CALCOCO1: variants seen among roughly 807,000 people sequenced by gnomAD.
CALCOCO1 encodes calcium-binding and coiled-coil domain-containing protein 1.
Under a neutral mutation model 86.3 loss-of-function variants are expected in CALCOCO1, and 44 were observed. The ratio of observed to expected loss-of-function variants is 0.51; its 90% CI spans 0.40 to 0.66. The LOEUF (loss-of-function observed/expected upper bound fraction) is 0.66, where lower values mean the gene tolerates loss of function less well. Ranked by LOEUF, CALCOCO1 falls within the 30% of genes least tolerant of loss-of-function variation. The pLI, the probability that CALCOCO1 is intolerant of heterozygous loss-of-function variation, is 0.00. For missense variants in CALCOCO1, 708 were observed against 851.1 expected (o/e 0.83, Z 2.09); for synonymous variants, 297 against 327.6 (o/e 0.91, Z 1.01).
rs1403875279 is a variant in CALCOCO1, at chr12:53,710,266, A to G, written c.*1678T>C. ...GGGAACGGGATGGGGTTGCTAGGAG[A>G]CGGAGACGTGAGGGAAGAAGGAACG... On this transcript the variant is annotated 3_prime_UTR_variant, in exon 15 of 15. Transcript: ENST00000550804. The G allele has an allele frequency of 6.6e-6, 1 of 152,132 alleles. No individual in the cohort carries two copies. The highest frequency in any genetic ancestry group is 1.5e-5 in the Non-Finnish European group (1 of 68,034). The allele number at this position is 152,132 out of a possible 1,614,324, so 9.4% of individuals were successfully genotyped here.
chr12:53,712,887 G>A (rs1945608724), intron 14 of CALCOCO1: 1 of 1,466,618 alleles, frequency 6.8e-7, no homozygotes, highest in Non-Finnish European at 9.1e-7. Flanking sequence ...GGACCTCTGA[G>A]TGCATTGATA....
rs1945890725 is a variant in CALCOCO1 at position 53,722,133 on chromosome 12, C to T, written c.501G>A (p.Lys167=). ...QQERNDLMQL[K]LQLEGQVTEL... is the part of the protein sequence containing the mutation. Reference sequence around the variant, plus strand: ...CTGTCACCTGTCCCTCCAGCTGTAGCTTCAGCTGCATCAGGTCATTCCGTT... The same window carrying T: ...CTGTCACCTGTCCCTCCAGCTGTAGTTTCAGCTGCATCAGGTCATTCCGTT... Residue 167 remains lysine (K), a synonymous_variant, in exon 5 of 15, where the codon AAG becomes AAA. Transcript: ENST00000550804. 6.2e-7 allele frequency: 1 copy of T among 1,613,752 alleles called. No homozygotes were observed. Among genetic ancestry groups the T allele is most frequent in the African/African-American group, 1.3e-5 (1 of 74,926 alleles).
intron 9 of CALCOCO1, 105 bp from the exon 10 acceptor site, chr12:53,715,430 C>T: frequency 6.9e-7 from 1 of 1,454,144 alleles, no homozygotes; most frequent in African/African-American, 1.4e-5. Context: ...TTATTTAAAG[C>T]ATCATTTTTA....
chr12:53,718,847 T>C (rs1417457838), intron 7 of CALCOCO1, among the ~76,000 whole-genome samples: 1 of 141,062 alleles, frequency 7.1e-6, no homozygotes, highest in Non-Finnish European at 1.6e-5. Context: ...TCCCTTTTTT[T>C]TTTTTTTTTT....
rs1416132725 is a variant in CALCOCO1 at position 53,722,070 on chromosome 12, C to T, written c.564G>A (p.Leu188=). 1.2e-6 allele frequency: 2 copies of T among 1,613,870 alleles called. No homozygotes were observed. The highest frequency in any genetic ancestry group is 2.7e-5 in the African/African-American group (2 of 75,064). The change falls in exon 5 of 15, where the codon CTG becomes CTA. Residue 188 remains leucine, a synonymous_variant. Coordinates refer to ENST00000550804, the MANE Select transcript of CALCOCO1 (RefSeq NM_020898.3). ...RSRVQELERA[L]ATARQEHTEL... Reference sequence around the variant, plus strand: ...CCGTGTGCTCCTGCCTGGCAGTTGCCAGAGCCCTCTCGAGCTCCTGCACTC... The same window carrying T: ...CCGTGTGCTCCTGCCTGGCAGTTGCTAGAGCCCTCTCGAGCTCCTGCACTC...
In CALCOCO1 at chr12:53,713,112, T is replaced by C. The variant is rs748122359; in HGVS notation, c.1886A>G (p.Tyr629Cys). 12 of 1,614,032 alleles carry C rather than the reference T, an allele frequency of 7.4e-6. No homozygotes were observed. The East Asian group carries it at 1.3e-4, about 18-fold the overall frequency. ...LLLPELGSAF[Y>C]DMASGFTVGT... Reference sequence around the variant, plus strand: ...TGGTTGAACTCACCTGGCCATGTCATAGAAGGCACTGCCCAGTTCAGGAAG... The same window carrying C: ...TGGTTGAACTCACCTGGCCATGTCACAGAAGGCACTGCCCAGTTCAGGAAG... The change falls in exon 14 of 15, where the codon TAT becomes TGT. Residue 629 changes from tyrosine (Y) to cysteine (C), a missense_variant. By Grantham distance (194) the Tyr-to-Cys change is radical. Coordinates refer to ENST00000550804, the MANE Select transcript of CALCOCO1 (RefSeq NM_020898.3).
intron 1 of CALCOCO1, among the ~76,000 whole-genome samples, chr12:53,726,004 G>A (rs1028449930): frequency 2.0e-5 from 3 of 152,118 alleles, no homozygotes; most frequent in Non-Finnish European, 2.9e-5. Flanking sequence ...TTCTGGAGGC[G>A]GCAACTTCAA....
chr12:53,717,183 C>T (rs1309805603), intron 7 of CALCOCO1, among the ~76,000 whole-genome samples: 5 of 152,220 alleles, frequency 3.3e-5, no homozygotes, highest in African/African-American at 1.2e-4. Context: ...AACTCAGCCT[C>T]CCCAGTAGCT....
Position 53,711,647 on chromosome 12 carries a change from C to T in CALCOCO1, c.*297G>A, listed in dbSNP as rs144794774. The T allele has an allele frequency of 1.3e-3, 417 of 330,718 alleles. 2 individuals are homozygous for T. The highest frequency in any genetic ancestry group is 1.4e-3 in the East Asian group (27 of 18,744). The allele number at this position is 330,718 out of a possible 1,614,324, so 20.5% of individuals were successfully genotyped here. On this transcript the variant is annotated 3_prime_UTR_variant, in exon 15 of 15. Transcript: ENST00000550804. Reference sequence around the variant, plus strand: ...AGAAGCAACCAGGGCTAGGAGTGGACGATTCTATTCCCACAGGGGAAGGCC... The same window carrying T: ...AGAAGCAACCAGGGCTAGGAGTGGATGATTCTATTCCCACAGGGGAAGGCC...
chr12:53,709,353 G>A lies in CALCOCO1; in HGVS notation c.*2591C>T, dbSNP rs554355093. 1.3e-5 allele frequency: 2 copies of A among 152,356 alleles called. No individual in the cohort carries two copies. The highest frequency in any genetic ancestry group is 4.1e-4 in the South Asian group (2 of 4,826). The allele number at this position is 152,356 out of a possible 1,614,324, so 9.4% of individuals were successfully genotyped here. A position where few individuals can be genotyped will look rare whatever the true frequency, so the allele number is the denominator to read the frequency against. On this transcript the variant is annotated 3_prime_UTR_variant, in exon 15 of 15. Transcript: ENST00000550804. ...TTCCTTGAGCCCCCTCTGTGTCGGG[G>A]ACCATGCTTTGGATACTGGGATAGG...
In CALCOCO1 at chr12:53,711,192, G is replaced by C; in HGVS notation, c.*752C>G. On this transcript the variant is annotated 3_prime_UTR_variant, in exon 15 of 15. Transcript: ENST00000550804. ...GGGGGAAGCTTTTATTGCTGTGGGG[G>C]GACCTGGAGAGGGAGGGGGGCCTTG... is the stretch of plus-strand genomic sequence containing the variant. The C allele has an allele frequency of 2.5e-6, 1 of 398,766 alleles. No individual in the cohort carries two copies. The highest frequency in any genetic ancestry group is 4.4e-6 in the Non-Finnish European group (1 of 225,984). 24.7% of individuals were successfully genotyped at this position (398,766 alleles called of 1,614,324 possible). A position where few individuals can be genotyped will look rare whatever the true frequency, so the allele number is the denominator to read the frequency against.
chr12:53,712,762 C>T, intron 14 of CALCOCO1: 1 of 1,311,574 alleles, frequency 7.6e-7, no homozygotes, highest in Middle Eastern at 2.2e-4. Context: ...CCCGGAGGAC[C>T]CTAGGTACCT....
At chr12:53,722,849 A>G (rs1008571850) in intron 4 of CALCOCO1, 3 of 412,540 alleles carry the variant, frequency 7.3e-6, no homozygotes, top group African/African-American at 6.3e-5. Context: ...AATGAGAATC[A>G]CGATTGTGAA....
chr12:53,712,214 T>G, intron 14 of CALCOCO1, 93 bp from the exon 15 acceptor site: 1 of 1,160,890 alleles, frequency 8.6e-7, no homozygotes, highest in Non-Finnish European at 1.2e-6. Flanking sequence ...TGTGCCTGGG[T>G]TCCCAGGTTA....
At chr12:53,719,959 TC>T in intron 6 of CALCOCO1, 130 bp from the exon 7 acceptor site, 1 of 550,926 alleles carries the variant, frequency 1.8e-6, no homozygotes, top group South Asian at 2.8e-5. Flanking sequence ...GATGCATAAA[TC>T]CCCAAGCCAG....
chr12:53,712,911 G>T, intron 14 of CALCOCO1, 189 bp downstream of exon 14: 1 of 1,404,836 alleles, frequency 7.1e-7, no homozygotes, highest in Non-Finnish European at 9.7e-7. Context: ...TAGGGGTAGG[G>T]ATTACCTGAA....
chr12:53,712,105 T>C lies in CALCOCO1; in HGVS notation c.1915A>G (p.Thr639Ala). 6.2e-7 allele frequency: 1 copy of C among 1,604,352 alleles called. No individual in the cohort carries two copies. The highest frequency in any genetic ancestry group is 8.5e-7 in the Non-Finnish European group (1 of 1,174,946). Residue 639 changes from threonine (T) to alanine (A), a missense_variant, in exon 15 of 15, where the codon ACC (threonine) becomes GCC (alanine). Coordinates refer to ENST00000550804, the MANE Select transcript of CALCOCO1 (RefSeq NM_020898.3). ...YDMASGFTVG[T>A]LSETSTGGPA... ...CCCCCAGTGCTGGTTTCTGACAGGG[T>C]ACCCACTGTAAAGCCACTAAGAGAG...
chr12:53,721,414 T>C, intron 6 of CALCOCO1, 53 bp downstream of exon 6: 1 of 1,500,850 alleles, frequency 6.7e-7, no homozygotes, highest in Non-Finnish European at 9.0e-7. Context: ...GGGGCTGGAG[T>C]GCGGGGGTCA....
In CALCOCO1 at chr12:53,722,862, C is replaced by T. The variant is rs140391227; in HGVS notation, c.451-679G>A. ...CAAATGAGAATCACGATTGTGAAACCGCAACAGAGAGTAGGAGCTCACACA... is the reference window on the plus strand; with the variant it reads ...CAAATGAGAATCACGATTGTGAAACTGCAACAGAGAGTAGGAGCTCACACA... On this transcript the variant is annotated intron_variant, in intron 4 of 14. Transcript: ENST00000550804. 4.5e-3 allele frequency: 1,892 copies of T among 421,306 alleles called. 35 individuals are homozygous for T. Among genetic ancestry groups the T allele is most frequent in the African/African-American group, 0.036 (1,685 of 47,450 alleles). The allele number at this position is 421,306 out of a possible 1,614,324, so 26.1% of individuals were successfully genotyped here.
Sources: allele counts gnomAD v4.1 joint callset (sites outside exome capture counted in the v4.1 genomes callset), GRCh38; gene constraint gnomAD v4.1.1; transcripts MANE v1.5; gene names NCBI Gene and HGNC (gene_info 2026-07-23, HGNC 2026-07-21).